TEX36: variants seen among roughly 807,000 people sequenced by gnomAD.
TEX36 encodes testis expressed 36.
A neutral mutation model predicts 13.6 loss-of-function variants in TEX36; 12 were observed. The observed-to-expected ratio is 0.88, with a 90% CI of 0.56 to 1.43. The LOEUF (loss-of-function observed/expected upper bound fraction) is 1.43, where lower values mean the gene tolerates loss of function less well. Ranked by LOEUF, TEX36 falls within the 40% of genes most tolerant of loss-of-function variation. The probability of loss-of-function intolerance (pLI) is 0.00; values close to 1 mark genes in which losing one functional copy is unlikely to be tolerated. For missense variants in TEX36, 224 were observed against 228.3 expected, an observed-to-expected ratio of 0.98 and a Z score of 0.12; for synonymous variants, 93 against 83.0, an observed-to-expected ratio of 1.12 and a Z score of -0.65.
At chr10:125,648,532 T>C (rs892626142) in intron 3 of TEX36, among the ~76,000 whole-genome samples, 1 of 152,098 alleles carries the variant, frequency 6.6e-6, no homozygotes, top group African/African-American at 2.4e-5. Context: ...AAAAGGTAGA[T>C]AGAACCACAA....
At chr10:125,630,679 C>G (rs566381552) in intron 3 of TEX36, among the ~76,000 whole-genome samples, 24 of 152,188 alleles carry the variant, frequency 1.6e-4, no homozygotes, top group African/African-American at 4.6e-4. Flanking sequence ...CCATGCATGT[C>G]GATGGGAAAC....
chr10:125,595,707 G>A (rs1050273592), intron 3 of TEX36, among the ~76,000 whole-genome samples: 19 of 152,090 alleles, frequency 1.2e-4, no homozygotes, highest in African/African-American at 3.1e-4. Context: ...GCTCACTCCC[G>A]CCTTTCTTGA....
chr10:125,639,404 T>A (rs557281017), intron 3 of TEX36, among the ~76,000 whole-genome samples: 1 of 152,160 alleles, frequency 6.6e-6, no homozygotes, highest in African/African-American at 2.4e-5. Context: ...ACAGGCAGCA[T>A]TGGGGTCTGT....
At chr10:125,666,992 T>C in intron 1 of TEX36, 1 of 1,396,862 alleles carries the variant, frequency 7.2e-7, no homozygotes, top group Non-Finnish European at 9.7e-7. Context: ...TGACTCCTCC[T>C]GGGCAGCCTT....
intron 3 of TEX36, among the ~76,000 whole-genome samples, chr10:125,600,925 A>G (rs1321215051): frequency 6.6e-6 from 1 of 152,204 alleles, no homozygotes; most frequent in African/African-American, 2.4e-5. Context: ...ACTAATCCCA[A>G]TAGCCTCACT....
intron 3 of TEX36, among the ~76,000 whole-genome samples, chr10:125,581,161 C>T (rs1352461605): frequency 1.3e-5 from 2 of 152,152 alleles, no homozygotes; most frequent in Non-Finnish European, 2.9e-5. Flanking sequence ...GGCCTTTCTC[C>T]ACCTTGTTCT....
chr10:125,603,300 GC>G (rs199795877), intron 3 of TEX36, among the ~76,000 whole-genome samples: 1 of 152,142 alleles, frequency 6.6e-6, no homozygotes, highest in Non-Finnish European at 1.5e-5. Flanking sequence ...CTGTGCCTGT[GC>G]CCCCATCCCT....
intron 3 of TEX36, among the ~76,000 whole-genome samples, chr10:125,634,637 G>A (rs1020424620): frequency 1.2e-4 from 18 of 152,110 alleles, no homozygotes; most frequent in South Asian, 4.1e-4. Flanking sequence ...CTTTGGTTGC[G>A]TGCTGCAACT....
intron 3 of TEX36, among the ~76,000 whole-genome samples, chr10:125,597,114 T>G (rs1346188006): frequency 6.6e-6 from 1 of 152,206 alleles, no homozygotes; most frequent in Non-Finnish European, 1.5e-5. Flanking sequence ...GAGTGACTGT[T>G]GACTTCACCA....
At chr10:125,657,038 C>T (rs9422913) in intron 3 of TEX36, among the ~76,000 whole-genome samples, 44,925 of 151,772 alleles carry the variant, frequency 0.3, 10,772 homozygotes, top group African/African-American at 0.63. Flanking sequence ...ACCTTACGTG[C>T]GAACCTGATA....
intron 1 of TEX36, among the ~76,000 whole-genome samples, chr10:125,665,230 C>T (rs1847104302): frequency 6.6e-6 from 1 of 152,104 alleles, no homozygotes; most frequent in Non-Finnish European, 1.5e-5. Context: ...CTTTGCTGTG[C>T]AGAAGCTTTT....
At chr10:125,677,227 A>G (rs1312245478) in intron 1 of TEX36, among the ~76,000 whole-genome samples, 1 of 152,126 alleles carries the variant, frequency 6.6e-6, no homozygotes, top group African/African-American at 2.4e-5. Flanking sequence ...AATTTCTTGT[A>G]CCAGAATGTC....
intron 3 of TEX36, among the ~76,000 whole-genome samples, chr10:125,630,621 A>G (rs1846540623): frequency 1.3e-5 from 2 of 152,210 alleles, no homozygotes; most frequent in Non-Finnish European, 2.9e-5. Flanking sequence ...GCCTAAGGAC[A>G]TGAATACGGG....
At chr10:125,614,225 G>T (rs1479379482) in intron 3 of TEX36, among the ~76,000 whole-genome samples, 1 of 152,120 alleles carries the variant, frequency 6.6e-6, no homozygotes, top group Non-Finnish European at 1.5e-5. Context: ...CTCCCATTTT[G>T]TAGGTTGCCT....
chr10:125,597,361 G>T (rs1846093727), intron 3 of TEX36, among the ~76,000 whole-genome samples: 1 of 152,130 alleles, frequency 6.6e-6, no homozygotes, highest in African/African-American at 2.4e-5. Flanking sequence ...ACACTCACAT[G>T]GGCATTTGCA....
At chr10:125,653,578 C>A (rs926032982), downstream of TEX36, among the ~76,000 whole-genome samples, 1 of 151,912 alleles carries the variant, frequency 6.6e-6, no homozygotes, top group African/African-American at 2.4e-5. Flanking sequence ...ATGGCACATG[C>A]ATACATATGT....
intron 3 of TEX36, among the ~76,000 whole-genome samples, chr10:125,641,036 G>A (rs1349894591): frequency 2.0e-5 from 3 of 150,054 alleles, no homozygotes; most frequent in African/African-American, 7.4e-5. Flanking sequence ...AAATTTAATT[G>A]GGATGAAATG....
chr10:125,605,229 T>A (rs1846200620), intron 3 of TEX36, among the ~76,000 whole-genome samples: 1 of 152,200 alleles, frequency 6.6e-6, no homozygotes, highest in Admixed American at 6.5e-5. Flanking sequence ...TTATTTTCCT[T>A]CCTAGACAGC....
At chr10:125,576,955 G>A in intron 3 of TEX36, 2 of 1,514,916 alleles carry the variant, frequency 1.3e-6, no homozygotes, top group Non-Finnish European at 1.8e-6. Context: ...AGAGGAAAGG[G>A]GGCCTTATTC....
Sources: allele counts gnomAD v4.1 joint callset (sites outside exome capture counted in the v4.1 genomes callset), GRCh38; gene constraint gnomAD v4.1.1; transcripts MANE v1.5; gene names NCBI Gene and HGNC (gene_info 2026-07-23, HGNC 2026-07-21).